The following ZNF623 variants were observed in gnomAD, a reference collection of about 807,000 sequenced individuals.
ZNF623 encodes zinc finger protein 623.
In ZNF623, 16 loss-of-function variants were observed where a neutral mutation model predicts 24.0. The observed-to-expected ratio is 0.67, with a 90% CI of 0.45 to 1.01. The LOEUF is 1.01. ZNF623 is among the 50% of genes least tolerant of loss of function. ZNF623 has a pLI of 0.00. For missense variants in ZNF623, 566 were observed against 606.5 expected (o/e 0.93, Z 0.70); for synonymous variants, 224 against 219.8 (o/e 1.02, Z -0.17).
chr8:143,649,558 C>T (rs765644454), intron 1 of ZNF623: 5 of 345,292 alleles, frequency 1.4e-5, no homozygotes, highest in East Asian at 5.0e-5. Context: ...TGTGTTTATA[C>T]GTTTGTTTAA....
intron 1 of ZNF623, among the ~76,000 whole-genome samples, chr8:143,639,487 G>A (rs993433341): frequency 1.3e-5 from 2 of 152,188 alleles, no homozygotes; most frequent in Admixed American, 6.5e-5. Context: ...GCCTCCCAGA[G>A]TGTTGGGATT....
chr8:143,653,172 A>G lies in ZNF623; in HGVS notation c.*1689A>G, dbSNP rs1477225045. ...GACTGTTCGAAAGCAGGCGAGGTAA[A>G]TGGACAGTGGACAGCCGCCTCGCCA... On this transcript the variant is annotated 3_prime_UTR_variant, in exon 2 of 2. Coordinates refer to ENST00000526926, the MANE Select transcript of ZNF623 (RefSeq NM_001261843.2). 1 of 167,098 alleles carries G rather than the reference A, an allele frequency of 6.0e-6. No homozygotes were observed. Among genetic ancestry groups the G allele is most frequent in the African/African-American group, 2.4e-5 (1 of 41,446 alleles). 10.4% of individuals were successfully genotyped at this position (167,098 alleles called of 1,614,324 possible).
chr8:143,643,189 G>C (rs1815097281), intron 1 of ZNF623, among the ~76,000 whole-genome samples: 1 of 152,324 alleles, frequency 6.6e-6, no homozygotes, highest in Non-Finnish European at 1.5e-5. Flanking sequence ...AGGGTTCTTA[G>C]TCCTACAGTT....
At chr8:143,646,133 C>A (rs1290397742) in intron 1 of ZNF623, among the ~76,000 whole-genome samples, 1 of 152,084 alleles carries the variant, frequency 6.6e-6, no homozygotes, top group East Asian at 1.9e-4. Flanking sequence ...CCTCAAACCT[C>A]TGGGCTCAAG....
chr8:143,651,583 T>C lies in ZNF623; in HGVS notation c.*100T>C, dbSNP rs780822261. The C allele has an allele frequency of 1.7e-5, 24 of 1,386,710 alleles. No homozygotes were observed. The highest frequency in any genetic ancestry group is 2.1e-5 in the Non-Finnish European group (22 of 1,024,338). 85.9% of individuals were successfully genotyped at this position (1,386,710 alleles called of 1,614,324 possible). On this transcript the variant is annotated 3_prime_UTR_variant, in exon 2 of 2. Coordinates refer to ENST00000526926, the MANE Select transcript of ZNF623 (RefSeq NM_001261843.2). ...GGACATGTCAGAATTTTGTGAGTCA[T>C]GGATGGGGCTGCTTTTGCAGTGGGT... is the stretch of plus-strand genomic sequence containing the variant.
chr8:143,652,610 A>T lies in ZNF623; in HGVS notation c.*1127A>T, dbSNP rs1240244950. ...GTGTGCCACCTTACAGCTCATGCAG[A>T]ACTGTCTACTTGATCTGGAGGGCAT... On this transcript the variant is annotated 3_prime_UTR_variant, in exon 2 of 2. Transcript: ENST00000526926. 1 of 167,096 alleles carries T rather than the reference A, an allele frequency of 6.0e-6. No homozygotes were observed. The highest frequency in any genetic ancestry group is 1.9e-4 in the East Asian group (1 of 5,202). 10.4% of individuals were successfully genotyped at this position (167,096 alleles called of 1,614,324 possible). A position where few individuals can be genotyped will look rare whatever the true frequency, so the allele number is the denominator to read the frequency against.
Position 143,651,726 on chromosome 8 carries a change from G to T in ZNF623, c.*243G>T, listed in dbSNP as rs1815329399. ...TCTGAGCTGGAACAGTAGGGGCAGG[G>T]AGAAGACAGGTCTCAAGAAAAGGTT... On this transcript the variant is annotated 3_prime_UTR_variant, in exon 2 of 2. Transcript: ENST00000526926. 2.2e-6 allele frequency: 1 copy of T among 464,910 alleles called. No individual in the cohort carries two copies. Among genetic ancestry groups the T allele is most frequent in the Non-Finnish European group, 3.9e-6 (1 of 256,810 alleles). 28.8% of individuals were successfully genotyped at this position (464,910 alleles called of 1,614,324 possible).
At chr8:143,644,978 A>G (rs1402129542) in intron 1 of ZNF623, among the ~76,000 whole-genome samples, 1 of 150,572 alleles carries the variant, frequency 6.6e-6, no homozygotes. Flanking sequence ...AAAATACAAA[A>G]TTAGCTGGGT....
Position 143,651,414 on chromosome 8 carries a change from C to T in ZNF623, c.1422C>T (p.Ser474=). The change falls in exon 2 of 2, where the codon TCC becomes TCT. Residue 474 remains serine (S), a synonymous_variant. Transcript: ENST00000526926. ...AAAGGGTTCACCAAGAGGGACTCTCCTTGAGTAAGGCCCCCATACATTTGG... is the reference window on the plus strand; with the variant it reads ...AAAGGGTTCACCAAGAGGGACTCTCTTTGAGTAAGGCCCCCATACATTTGG... ...NNQRVHQEGL[S]LSKAPIHLGE... 1 of 1,613,370 alleles carries T rather than the reference C, an allele frequency of 6.2e-7. No homozygotes were observed.
intron 1 of ZNF623, among the ~76,000 whole-genome samples, chr8:143,645,670 G>A (rs887242711): frequency 6.6e-6 from 1 of 152,062 alleles, no homozygotes; most frequent in Non-Finnish European, 1.5e-5. Flanking sequence ...TTCTCCCCAC[G>A]GCCGCCTGCT....
At chr8:143,646,237 C>T (rs753189002) in intron 1 of ZNF623, among the ~76,000 whole-genome samples, 7 of 152,126 alleles carry the variant, frequency 4.6e-5, no homozygotes, top group Non-Finnish European at 7.4e-5. Context: ...GAGATGGAGT[C>T]TTGCTATGTT....
In ZNF623 at chr8:143,650,088, C is replaced by A. The variant is rs768217570; in HGVS notation, c.96C>A (p.Pro32=). The A allele has an allele frequency of 1.7e-5, 28 of 1,614,132 alleles. No homozygotes were observed. Among genetic ancestry groups the A allele is most frequent in the South Asian group, 3.3e-5 (3 of 91,082 alleles). ...NPEGQSLGSS[P]SQDRGCKQVT... ...AAGGTCAGAGCCTGGGGAGTTCCCC[C>A]TCTCAGGACAGGGGCTGCAAGCAGG... Residue 32 remains proline, a synonymous_variant, in exon 2 of 2, where the codon CCC becomes CCA. Transcript: ENST00000526926. The surrounding 1 kb of genome is among the most constrained non-coding windows in gnomAD (Gnocchi z 5.2).
At chr8:143,645,389 G>A (rs1003397149) in intron 1 of ZNF623, among the ~76,000 whole-genome samples, 21 of 150,410 alleles carry the variant, frequency 1.4e-4, no homozygotes, top group Admixed American at 2.7e-4. Context: ...CTGAGATGGC[G>A]CCACTGCACT....
At chr8:143,644,764 A>AGGT (rs1420188020) in intron 1 of ZNF623, among the ~76,000 whole-genome samples, 7 of 147,458 alleles carry the variant, frequency 4.7e-5, no homozygotes, top group Non-Finnish European at 1.5e-5. Flanking sequence ...CAGGAGGCGG[A>AGGT]GGTTGCAGTG....
chr8:143,651,680 TCA>T lies in ZNF623; in HGVS notation c.*200_*201del, dbSNP rs1364897178. ...GCTGTGAGCACTGTCCTCAGGAGAGTCACAGGGCTTGACACCTGACTCTGAGC... is the reference window on the plus strand; with the variant it reads ...GCTGTGAGCACTGTCCTCAGGAGAGTCAGGGCTTGACACCTGACTCTGAGC... On this transcript the variant is annotated 3_prime_UTR_variant, in exon 2 of 2. Coordinates refer to ENST00000526926, the MANE Select transcript of ZNF623 (RefSeq NM_001261843.2). The T allele has an allele frequency of 4.4e-5, 25 of 563,302 alleles. 1 individual carries two copies. In the South Asian group the frequency reaches 6.5e-4, roughly 15 times the overall value. The allele number at this position is 563,302 out of a possible 1,614,324, so 34.9% of individuals were successfully genotyped here. A position where few individuals can be genotyped will look rare whatever the true frequency, so the allele number is the denominator to read the frequency against.
In ZNF623 at chr8:143,652,905, A is replaced by T. The variant is rs568503595; in HGVS notation, c.*1422A>T. ...ACAGATGAGCAACCCACTACCCTGA[A>T]GTCATCCACCGTGTAGTGGGGAAGA... On this transcript the variant is annotated 3_prime_UTR_variant, in exon 2 of 2. Transcript: ENST00000526926. 2 of 167,176 alleles carry T rather than the reference A, an allele frequency of 1.2e-5. No homozygotes were observed. Among genetic ancestry groups the T allele is most frequent in the South Asian group, 4.1e-4 (2 of 4,824 alleles). The allele number at this position is 167,176 out of a possible 1,614,324, so 10.4% of individuals were successfully genotyped here. A position where few individuals can be genotyped will look rare whatever the true frequency, so the allele number is the denominator to read the frequency against.
rs2131456307 is a variant in ZNF623 at position 143,649,924 on chromosome 8, A to G, written c.-69A>G. ...TTCTAATGTAGGAACTGGTGAGAAG[A>G]AGGTGACTGAAGCCTGGATTTCTGA... On this transcript the variant is annotated 5_prime_UTR_variant, in exon 2 of 2. Coordinates refer to ENST00000526926, the MANE Select transcript of ZNF623 (RefSeq NM_001261843.2). The G allele has an allele frequency of 6.2e-7, 1 of 1,613,190 alleles. No individual in the cohort carries two copies. Among genetic ancestry groups the G allele is most frequent in the South Asian group, 1.1e-5 (1 of 91,026 alleles).
intron 1 of ZNF623, among the ~76,000 whole-genome samples, chr8:143,639,748 A>G (rs965472917): frequency 6.6e-6 from 1 of 152,254 alleles, no homozygotes; most frequent in Non-Finnish European, 1.5e-5. Flanking sequence ...TTGCTGTAAC[A>G]GATTCAAATA....
intron 1 of ZNF623, among the ~76,000 whole-genome samples, chr8:143,644,858 G>A (rs1227531115): frequency 2.0e-5 from 3 of 150,546 alleles, no homozygotes; most frequent in African/African-American, 7.3e-5. Flanking sequence ...CCCGGGCGCA[G>A]TTGCTCAAGC....
Sources: gnomAD v4.1 joint callset for allele counts (sites outside exome capture counted in the v4.1 genomes callset) on GRCh38, gnomAD v4.1.1 for gene constraint, Gnocchi (gnomAD v3.1) non-coding constraint, MANE v1.5 for transcripts, NCBI Gene and HGNC (gene_info 2026-07-23, HGNC 2026-07-21) for gene names.